Variants in HSD17B12 observed in about 807,000 individuals in gnomAD.
HSD17B12 encodes the protein hydroxysteroid 17-beta dehydrogenase 12, also known as very-long-chain 3-oxoacyl-CoA reductase.
In HSD17B12, 32 loss-of-function variants were observed where a neutral mutation model predicts 39.3. That is an observed-to-expected ratio of 0.81 (90% CI 0.61 to 1.09). The LOEUF is 1.09. Among genes scored for constraint, HSD17B12 ranks in the 50% least tolerant of loss-of-function variants. The pLI is 0.00. For synonymous variants in HSD17B12, 150 were observed against 146.7 expected (o/e 1.02, Z -0.16); for missense variants, 342 against 382.9 (o/e 0.89, Z 0.89).
chr11:43,676,337 A>G (rs1299104032), upstream of HSD17B12, among the ~76,000 whole-genome samples: 2 of 152,120 alleles, frequency 1.3e-5, no homozygotes, highest in South Asian at 2.1e-4. Context: ...TATATACTGT[A>G]TAGAAGTCTG....
chr11:43,615,979 G>A, the HSD17B12 span, among the ~76,000 whole-genome samples: 1 of 152,270 alleles, frequency 6.6e-6, no homozygotes, highest in South Asian at 2.1e-4. Context: ...TTTAAGTGTG[G>A]TTATTTGTTT....
chr11:43,829,256 C>T (rs915305224), intron 6 of HSD17B12, among the ~76,000 whole-genome samples: 3 of 152,272 alleles, frequency 2.0e-5, no homozygotes, highest in Admixed American at 1.3e-4. Context: ...CTTTAATAGC[C>T]AGGCATTGAA....
the HSD17B12 span, among the ~76,000 whole-genome samples, chr11:43,587,130 A>G: frequency 9.2e-5 from 14 of 152,198 alleles, no homozygotes; most frequent in Admixed American, 7.8e-4. Context: ...CTAGGCCTCA[A>G]TATCTCCATC....
At chr11:43,755,929 A>G (rs1950504174) in intron 3 of HSD17B12, among the ~76,000 whole-genome samples, 1 of 152,220 alleles carries the variant, frequency 6.6e-6, no homozygotes, top group Non-Finnish European at 1.5e-5. Flanking sequence ...CCTCACAATC[A>G]TGGCGGAAGG....
At chr11:43,710,092 T>TA (rs1302942481) in intron 1 of HSD17B12, among the ~76,000 whole-genome samples, 32 of 152,326 alleles carry the variant, frequency 2.1e-4, no homozygotes, top group African/African-American at 7.7e-4. Context: ...AATTGGGAGA[T>TA]ACGTTTCCCT....
At chr11:43,778,214 C>A in intron 3 of HSD17B12, among the ~76,000 whole-genome samples, 1 of 152,188 alleles carries the variant, frequency 6.6e-6, no homozygotes, top group Non-Finnish European at 1.5e-5. Context: ...CACCTCTATG[C>A]AAATAAACTA....
At position 43,830,664 on chromosome 11, in the gene HSD17B12, G is replaced by A. The variant is rs1008303619; in HGVS notation, c.502-312G>A. On this transcript the variant is annotated intron_variant, in intron 6 of 10. Coordinates refer to ENST00000278353, the MANE Select transcript of HSD17B12 (RefSeq NM_016142.3). The stretch of plus-strand genomic sequence containing the variant: ...ATTCTTTTCTGAGAATGCATTTTGG[G>A]AAATGTAGATTTTCACTGTAAATCC... 1.9e-4 allele frequency: 36 copies of A among 191,084 alleles called. No individual in the cohort carries two copies. The East Asian group carries it at 4.6e-3, about 25-fold the overall frequency. The allele number at this position is 191,084 out of a possible 1,614,324, so 11.8% of individuals were successfully genotyped here.
chr11:43,826,687 CTT>C (rs1198068517), intron 6 of HSD17B12, among the ~76,000 whole-genome samples: 1 of 152,050 alleles, frequency 6.6e-6, no homozygotes, highest in Non-Finnish European at 1.5e-5. Flanking sequence ...CTCTTAGAAA[CTT>C]TGTCTAATTA....
At chr11:43,853,364 A>AAT (rs1951551766) in intron 9 of HSD17B12, 1 of 147,448 alleles carries the variant, frequency 6.8e-6, no homozygotes, top group Non-Finnish European at 1.5e-5. Context: ...AAAAAAAAAA[A>AAT]CCAGAGACAT....
In HSD17B12 at chr11:43,838,498, G is replaced by T. The variant is rs1302032177; in HGVS notation, c.618+100G>T. The T allele has an allele frequency of 3.3e-6, 3 of 921,532 alleles. No homozygotes were observed. In the African/African-American group the frequency reaches 5.0e-5, roughly 15 times the overall value. 57.1% of individuals were successfully genotyped at this position (921,532 alleles called of 1,614,324 possible). A position where few individuals can be genotyped will look rare whatever the true frequency, so the allele number is the denominator to read the frequency against. ...TTAACTTTCCTGAAGTTCTGTTCTT[G>T]GCAGTTTTCCAGTAGACTGAGAAGA... On this transcript the variant is annotated intron_variant, in intron 8 of 10. Coordinates refer to ENST00000278353, the MANE Select transcript of HSD17B12 (RefSeq NM_016142.3).
chr11:43,605,263 A>G, the HSD17B12 span, among the ~76,000 whole-genome samples: 2 of 152,120 alleles, frequency 1.3e-5, no homozygotes, highest in African/African-American at 4.8e-5. Context: ...TGAGTGGCGG[A>G]AAAAAGTTCT....
the HSD17B12 span, among the ~76,000 whole-genome samples, chr11:43,639,191 A>G: frequency 6.6e-6 from 1 of 152,214 alleles, no homozygotes; most frequent in Non-Finnish European, 1.5e-5. Flanking sequence ...AAAAAGGAAA[A>G]CATTGCACTT....
chr11:43,746,279 A>G (rs1315169837), intron 1 of HSD17B12, among the ~76,000 whole-genome samples: 1 of 152,208 alleles, frequency 6.6e-6, no homozygotes, highest in Non-Finnish European at 1.5e-5. Context: ...TTCTGTAATA[A>G]CACTTAGCTT....
rs9971630 is a variant in HSD17B12, at chr11:43,736,432, C to T, written c.161-14479C>T. On this transcript the variant is annotated intron_variant, in intron 1 of 10. Transcript: ENST00000278353. ...GGTCAAAAGAAGGGGAGTAAAGAGT[C>T]GAAGAGAGGGCTGCTCAGTGGGGAA... is the stretch of plus-strand genomic sequence containing the variant. Among the ~76,000 whole-genome samples, 889 of 152,040 alleles carry T rather than the reference C, an allele frequency of 5.8e-3. 6 individuals carry two copies. Among genetic ancestry groups the T allele is most frequent in the African/African-American group, 0.02 (848 of 41,456 alleles).
the HSD17B12 span, among the ~76,000 whole-genome samples, chr11:43,631,325 A>G: frequency 6.9e-3 from 1,045 of 152,300 alleles, 8 homozygotes; most frequent in Non-Finnish European, 0.011. Flanking sequence ...GTATTTAATA[A>G]GAGAGCTCTG....
intron 1 of HSD17B12, among the ~76,000 whole-genome samples, chr11:43,709,672 C>T (rs1008874970): frequency 3.9e-5 from 6 of 152,182 alleles, no homozygotes; most frequent in African/African-American, 1.2e-4. Flanking sequence ...ATTTTTTGAA[C>T]AGATGAAAGA....
rs184843276 is a variant in HSD17B12, at chr11:43,783,389, C to T, written c.284-14931C>T. Among the ~76,000 whole-genome samples, 7 of 151,386 alleles carry T rather than the reference C, an allele frequency of 4.6e-5. No homozygotes were observed. In the East Asian group the frequency reaches 1.4e-3, roughly 29 times the overall value. Reference sequence around the variant, plus strand: ...TTACTCTTAAATATTATTGAGGACTCCAAAGAGCTTTTTTTTTTTTTTTAC... The same window carrying T: ...TTACTCTTAAATATTATTGAGGACTTCAAAGAGCTTTTTTTTTTTTTTTAC... On this transcript the variant is annotated intron_variant, in intron 3 of 10. Transcript: ENST00000278353.
At chr11:43,611,041 T>G in the HSD17B12 span, among the ~76,000 whole-genome samples, 1 of 152,216 alleles carries the variant, frequency 6.6e-6, no homozygotes, top group Non-Finnish European at 1.5e-5. Context: ...TAAAATCCGG[T>G]GCATTTAATT....
chr11:43,685,358 A>T (rs184469993), intron 1 of HSD17B12, among the ~76,000 whole-genome samples: 2 of 152,318 alleles, frequency 1.3e-5, no homozygotes, highest in East Asian at 3.9e-4. Context: ...CACAGGGTTA[A>T]CCTCAAATGA....
Sources: allele counts gnomAD v4.1 joint callset (sites outside exome capture counted in the v4.1 genomes callset), GRCh38; gene constraint gnomAD v4.1.1; transcripts MANE v1.5; gene names NCBI Gene and HGNC (gene_info 2026-07-23, HGNC 2026-07-21).